The following ANO2 variants were observed in gnomAD, a reference collection of about 807,000 sequenced individuals.
The protein encoded by ANO2 is anoctamin 2, also known as anoctamin-2.
ANO2 carries 101 observed loss-of-function variants against 124.2 expected under a neutral mutation model. The ratio of observed to expected loss-of-function variants is 0.81; its 90% CI spans 0.69 to 0.96. ANO2 has a LOEUF of 0.96. Ranked by LOEUF, ANO2 falls within the 40% of genes least tolerant of loss-of-function variation. The pLI is 0.00. For missense variants in ANO2, 1,293 were observed against 1,274.5 expected (o/e 1.01, Z -0.22); for synonymous variants, 486 against 482.5 (o/e 1.01, Z -0.09).
Position 5,799,534 on chromosome 12 carries a change from T to A in ANO2, c.1028A>T (p.Tyr343Phe). 4.3e-6 allele frequency: 7 copies of A among 1,613,968 alleles called. No individual in the cohort carries two copies. Among genetic ancestry groups the A allele is most frequent in the Non-Finnish European group, 5.9e-6 (7 of 1,179,858 alleles). ...YQEWARYGVF[Y>F]KFQPIDLIRK... The stretch of plus-strand genomic sequence containing the variant: ...GATGAGGTCAATAGGTTGGAACTTA[T>A]AGAACACTCCATAGCGCGCCCATTC... Residue 343 changes from tyrosine (Y) to phenylalanine (F), a missense_variant, in exon 10 of 25, where the codon TAT becomes TTT. Transcript: ENST00000682330.
At chr12:5,945,151 T>C (rs1308211464) in intron 1 of ANO2, 45 bp downstream of exon 1, 2 of 1,283,918 alleles carry the variant, frequency 1.6e-6, no homozygotes, top group Non-Finnish European at 2.0e-6. Flanking sequence ...CCCTCCCTCC[T>C]ACCACCTGTA....
intron 12 of ANO2, among the ~76,000 whole-genome samples, chr12:5,743,344 G>A (rs1951165109): frequency 6.6e-6 from 1 of 152,176 alleles, no homozygotes; most frequent in Non-Finnish European, 1.5e-5. Context: ...AAAGGAGCAG[G>A]TGGCTACTCA....
chr12:5,852,675 C>T (rs781683723), intron 4 of ANO2, among the ~76,000 whole-genome samples: 1 of 152,024 alleles, frequency 6.6e-6, no homozygotes, highest in Admixed American at 6.6e-5. Context: ...AATGATAGCA[C>T]TGAGAGTCGG....
At chr12:5,945,102 A>G (rs1943046005) in intron 1 of ANO2, 94 bp downstream of exon 1, 11 of 1,192,440 alleles carry the variant, frequency 9.2e-6, no homozygotes, top group Middle Eastern at 2.2e-4. Flanking sequence ...GGGGTCCCCA[A>G]TCCCGAAGGG....
At chr12:5,807,412 GT>G in intron 7 of ANO2, 44 bp from the exon 8 acceptor site, 1 of 1,515,892 alleles carries the variant, frequency 6.6e-7, no homozygotes, top group Non-Finnish European at 8.9e-7. Flanking sequence ...TGGGGCAAGC[GT>G]TTCTCAACTT....
At chr12:5,941,298 G>T (rs1256441382) in intron 1 of ANO2, among the ~76,000 whole-genome samples, 2 of 152,106 alleles carry the variant, frequency 1.3e-5, no homozygotes, top group African/African-American at 4.8e-5. Flanking sequence ...GGAATTCCTA[G>T]AATTAAAAAT....
rs1326067964 is a variant in ANO2 at position 5,612,685 on chromosome 12, G to A, written c.2058C>T (p.Ile686=). The change falls in exon 19 of 25, where the codon ATC becomes ATT. Residue 686 remains isoleucine, a synonymous_variant. Transcript: ENST00000682330. ...LSIIMLGKQL[I]QNNIFEIGVP... is the part of the protein sequence containing the mutation. ...CTCCAATCTCAAAGATGTTGTTCTGGATCAACTGCTTCCCCAACATGATGA... is the reference window on the plus strand; with the variant it reads ...CTCCAATCTCAAAGATGTTGTTCTGAATCAACTGCTTCCCCAACATGATGA... 6.2e-7 allele frequency: 1 copy of A among 1,613,908 alleles called. No individual in the cohort carries two copies. The highest frequency in any genetic ancestry group is 1.1e-5 in the South Asian group (1 of 91,066).
rs12314557 is a variant in ANO2, at chr12:5,900,131, G to A, written c.534+20909C>T. Among the ~76,000 whole-genome samples the A allele has an allele frequency of 0.11, 16,770 of 152,128 alleles. 2,116 individuals carry two copies. The highest frequency in any genetic ancestry group is 0.31 in the African/African-American group (12,853 of 41,446). On this transcript the variant is annotated intron_variant, in intron 3 of 24. Transcript: ENST00000682330. This position sits in a 1 kb window ranked among gnomAD's most constrained non-coding sequence, Gnocchi z 4.2. ...TTCCCCTGTCACCCAAGTTCTGATG[G>A]TCTCTCATAAGCAGTATCCAACTCA...
chr12:5,634,223 G>A (rs1235072994), intron 16 of ANO2, among the ~76,000 whole-genome samples: 1 of 152,180 alleles, frequency 6.6e-6, no homozygotes, highest in East Asian at 1.9e-4. Flanking sequence ...CGTGGGTAGT[G>A]TTACAGTAGA....
chr12:5,916,902 G>A lies in ANO2; in HGVS notation c.534+4138C>T, dbSNP rs553989251. Among the ~76,000 whole-genome samples, 16 of 152,246 alleles carry A rather than the reference G, an allele frequency of 1.1e-4. No homozygotes were observed. In the East Asian group the frequency reaches 3.1e-3, roughly 29 times the overall value. On this transcript the variant is annotated intron_variant, in intron 3 of 24. Transcript: ENST00000682330. ...AAAGTAAACTCAACGCTTTACACGCGAGGTCCCAGCACAGATCATAATAAC... is the reference window on the plus strand; with the variant it reads ...AAAGTAAACTCAACGCTTTACACGCAAGGTCCCAGCACAGATCATAATAAC...
rs140461271 is a variant in ANO2 at position 5,584,139 on chromosome 12, C to CACCG, written c.2234-5622_2234-5621insCGGT. On this transcript the variant is annotated intron_variant, in intron 20 of 24. Transcript: ENST00000682330. Reference sequence around the variant, plus strand: ...TCCTTAATTTAATGAACACCCCCCCCCCGCCGCAAGAATATTAATGTTGAT... The same window carrying CACCG: ...TCCTTAATTTAATGAACACCCCCCCCACCGCCGCCGCAAGAATATTAATGTTGAT... 8.6e-5 allele frequency: 14 copies of CACCG among 161,972 alleles called. 1 individual carries two copies. The highest frequency in any genetic ancestry group is 1.2e-4 in the Non-Finnish European group (9 of 76,084). The allele number at this position is 161,972 out of a possible 1,614,324, so 10.0% of individuals were successfully genotyped here.
chr12:5,661,961 G>A (rs1947465133), intron 14 of ANO2, among the ~76,000 whole-genome samples: 1 of 152,210 alleles, frequency 6.6e-6, no homozygotes, highest in South Asian at 2.1e-4. Flanking sequence ...GTCAACACAG[G>A]ATCCGCCATG....
chr12:5,679,173 C>G (rs1948387078), intron 14 of ANO2, among the ~76,000 whole-genome samples: 1 of 151,112 alleles, frequency 6.6e-6, no homozygotes, highest in Non-Finnish European at 1.5e-5. Flanking sequence ...AAATCCCAAA[C>G]TATAAAAACC....
chr12:5,604,500 A>G (rs1467656708), intron 19 of ANO2, among the ~76,000 whole-genome samples: 1 of 152,158 alleles, frequency 6.6e-6, no homozygotes, highest in Non-Finnish European at 1.5e-5. Flanking sequence ...CAGAAAAGTT[A>G]TGGGATGGGA....
At chr12:5,887,675 GAGA>G (rs1296927052) in intron 3 of ANO2, among the ~76,000 whole-genome samples, 1 of 152,246 alleles carries the variant, frequency 6.6e-6, no homozygotes, top group East Asian at 1.9e-4. Context: ...GAAGGAGAGA[GAGA>G]AGGATGGAGA....
At chr12:5,937,555 A>G (rs2136323200) in intron 1 of ANO2, among the ~76,000 whole-genome samples, 1 of 151,510 alleles carries the variant, frequency 6.6e-6, no homozygotes, top group South Asian at 2.1e-4. Flanking sequence ...TGGATCACTT[A>G]TTTCTATTTA....
intron 14 of ANO2, among the ~76,000 whole-genome samples, chr12:5,651,582 G>T (rs1205330516): frequency 6.6e-6 from 1 of 151,836 alleles, no homozygotes; most frequent in East Asian, 1.9e-4. Context: ...CACCACAGCT[G>T]GCTTCATTTT....
intron 13 of ANO2, among the ~76,000 whole-genome samples, chr12:5,737,225 A>T (rs1565626053): frequency 6.6e-6 from 1 of 152,252 alleles, no homozygotes; most frequent in East Asian, 1.9e-4. Flanking sequence ...CCAGCCTTGC[A>T]GCAACCTCAC....
chr12:5,896,063 A>G (rs918822794), intron 3 of ANO2, among the ~76,000 whole-genome samples: 3 of 152,206 alleles, frequency 2.0e-5, no homozygotes, highest in Admixed American at 6.5e-5. Flanking sequence ...CCTCTCACTT[A>G]TAAGTGGGAG....
Sources: gnomAD v4.1 joint callset for allele counts (sites outside exome capture counted in the v4.1 genomes callset) on GRCh38, gnomAD v4.1.1 for gene constraint, Gnocchi (gnomAD v3.1) non-coding constraint, MANE v1.5 for transcripts, NCBI Gene and HGNC (gene_info 2026-07-23, HGNC 2026-07-21) for gene names.